MTHFD1L: variants seen among roughly 807,000 people sequenced by gnomAD.
MTHFD1L encodes the protein monofunctional C1-tetrahydrofolate synthase, mitochondrial.
MTHFD1L carries 81 observed loss-of-function variants against 119.5 expected under a neutral mutation model. That is an observed-to-expected ratio of 0.68 (90% confidence interval 0.57 to 0.82). MTHFD1L has a LOEUF of 0.82. MTHFD1L is among the 40% of genes least tolerant of loss of function. The pLI, the probability that MTHFD1L is intolerant of heterozygous loss-of-function variation, is 0.00. For missense variants in MTHFD1L, 1,125 were observed against 1,253.4 expected (o/e 0.90, Z 1.55); for synonymous variants, 430 against 475.2 (o/e 0.90, Z 1.24).
intron 26 of MTHFD1L, among the ~76,000 whole-genome samples, chr6:151,073,726 T>A (rs1792196366): frequency 6.6e-6 from 1 of 151,620 alleles, no homozygotes. Flanking sequence ...AGATTAGACA[T>A]TGCAAAAGAA....
chr6:150,905,300 G>A (rs1191390077), intron 7 of MTHFD1L, among the ~76,000 whole-genome samples: 2 of 152,016 alleles, frequency 1.3e-5, no homozygotes, highest in East Asian at 1.9e-4. Flanking sequence ...CCTAAGTGCT[G>A]GGATTACAGG....
chr6:150,983,893 C>T (rs1777893548), intron 20 of MTHFD1L, among the ~76,000 whole-genome samples: 1 of 152,166 alleles, frequency 6.6e-6, no homozygotes, highest in Non-Finnish European at 1.5e-5. Context: ...ACCTCTGCCT[C>T]CTGAGTAGCT....
chr6:150,966,135 A>G (rs1562467444), intron 19 of MTHFD1L, among the ~76,000 whole-genome samples: 1 of 152,186 alleles, frequency 6.6e-6, no homozygotes, highest in Non-Finnish European at 1.5e-5. Context: ...AGGAACCTGT[A>G]TTAGTTTGTT....
intron 13 of MTHFD1L, among the ~76,000 whole-genome samples, chr6:150,941,191 G>T (rs186693974): frequency 6.6e-6 from 1 of 152,358 alleles, no homozygotes; most frequent in East Asian, 1.9e-4. Flanking sequence ...CATTCAGCCA[G>T]TGGGAACTGC....
At chr6:151,066,475 G>T (rs1368820212) in intron 26 of MTHFD1L, among the ~76,000 whole-genome samples, 1 of 130,230 alleles carries the variant, frequency 7.7e-6, no homozygotes, top group African/African-American at 2.8e-5. Context: ...CATGGCAAAA[G>T]TGTCCTTTAG....
Position 151,014,982 on chromosome 6 carries a change from T to C in MTHFD1L, c.2408+2T>C, listed in dbSNP as rs1472969459. 1 of 1,613,310 alleles carries C rather than the reference T, an allele frequency of 6.2e-7. No individual in the cohort carries two copies. Reference sequence around the variant, plus strand: ...TGTGGTGGCTCTGAATGTCTTCAAGTAAGTCCAGCCTCCTCCTTTAAATGT... The same window carrying C: ...TGTGGTGGCTCTGAATGTCTTCAAGCAAGTCCAGCCTCCTCCTTTAAATGT... On this transcript the variant is annotated splice_donor_variant, in intron 23 of 27. Coordinates refer to ENST00000367321, the MANE Select transcript of MTHFD1L (RefSeq NM_015440.5). LOFTEE classifies it high-confidence loss of function.
chr6:151,058,964 C>T (rs907856517), intron 26 of MTHFD1L, among the ~76,000 whole-genome samples: 2 of 152,114 alleles, frequency 1.3e-5, no homozygotes, highest in African/African-American at 4.8e-5. Context: ...GCGTGAGCCA[C>T]CGCACCTGGC....
intron 17 of MTHFD1L, among the ~76,000 whole-genome samples, 193 bp from the exon 18 acceptor site, chr6:150,960,082 C>T (rs1164660788): frequency 6.6e-6 from 1 of 152,162 alleles, no homozygotes; most frequent in Non-Finnish European, 1.5e-5. Flanking sequence ...CCTGGGAGGC[C>T]ACCCTAGGGA....
At chr6:150,924,413 T>C (rs994380027) in intron 10 of MTHFD1L, among the ~76,000 whole-genome samples, 5 of 152,144 alleles carry the variant, frequency 3.3e-5, no homozygotes, top group Non-Finnish European at 5.9e-5. Context: ...CCTCAAGTGA[T>C]CTGCCCTCCT....
rs774905671 is a variant in MTHFD1L, at chr6:150,949,143, G to C, written c.1726+10G>C. The stretch of plus-strand genomic sequence containing the variant: ...ATCACGTGGCAGAGAGGTGGGTGCT[G>C]GGGAGATGCCAGCAGGCTGATGGCC... On this transcript the variant is annotated intron_variant, in intron 16 of 27. Transcript: ENST00000367321. 1 of 1,612,622 alleles carries C rather than the reference G, an allele frequency of 6.2e-7. No homozygotes were observed. The highest frequency in any genetic ancestry group is 8.5e-7 in the Non-Finnish European group (1 of 1,178,920).
At chr6:150,950,818 C>T (rs1056983954) in intron 16 of MTHFD1L, among the ~76,000 whole-genome samples, 4 of 152,080 alleles carry the variant, frequency 2.6e-5, no homozygotes, top group Non-Finnish European at 4.4e-5. Context: ...TACAGGCACA[C>T]ACCACCACAC....
At chr6:151,057,893 C>G (rs1044312024) in intron 26 of MTHFD1L, among the ~76,000 whole-genome samples, 18 of 152,164 alleles carry the variant, frequency 1.2e-4, no homozygotes, top group African/African-American at 4.3e-4. Flanking sequence ...ATTTTCCTGC[C>G]TCAGCCTCCC....
chr6:150,937,158 C>T (rs971979503), intron 12 of MTHFD1L, among the ~76,000 whole-genome samples: 1 of 149,946 alleles, frequency 6.7e-6, no homozygotes, highest in African/African-American at 2.5e-5. Flanking sequence ...GCCTCAGGAG[C>T]CTGTTCCTGG....
In MTHFD1L at chr6:150,964,415, G is replaced by A. The variant is rs74444553; in HGVS notation, c.1945-554G>A. 1.4e-4 allele frequency among the ~76,000 whole-genome samples: 21 copies of A among 152,292 alleles called. No homozygotes were observed. In the East Asian group the frequency reaches 2.7e-3, roughly 20 times the overall value. On this transcript the variant is annotated intron_variant, in intron 18 of 27. Coordinates refer to ENST00000367321, the MANE Select transcript of MTHFD1L (RefSeq NM_015440.5). ...GCTTGACTGTAGGAAGAGAGATAGC[G>A]TGAAGCCTTTCACATCTAAACTAGA...
chr6:150,922,432 T>C (rs1057469483), intron 10 of MTHFD1L, 130 bp downstream of exon 10: 1 of 551,984 alleles, frequency 1.8e-6, no homozygotes. Context: ...ATTCATTAAA[T>C]TGCCACCCTA....
chr6:151,045,513 G>A (rs1366027297), intron 26 of MTHFD1L, among the ~76,000 whole-genome samples: 1 of 152,162 alleles, frequency 6.6e-6, no homozygotes, highest in African/African-American at 2.4e-5. Context: ...TCTCTCCAAT[G>A]CTCCTGGGTC....
chr6:150,890,815 A>C (rs1341536939), intron 7 of MTHFD1L, among the ~76,000 whole-genome samples: 2 of 152,218 alleles, frequency 1.3e-5, no homozygotes, highest in Admixed American at 6.5e-5. Flanking sequence ...AACCAAGTGC[A>C]CTGCAACAAG....
At chr6:150,910,547 C>T (rs1786706611) in intron 8 of MTHFD1L, among the ~76,000 whole-genome samples, 1 of 147,968 alleles carries the variant, frequency 6.8e-6, no homozygotes, top group Non-Finnish European at 1.5e-5. Context: ...AAGAGCGAAA[C>T]TCCATCTCAA....
intron 6 of MTHFD1L, among the ~76,000 whole-genome samples, chr6:150,886,192 C>T (rs757229173): frequency 2.0e-5 from 3 of 152,008 alleles, no homozygotes; most frequent in Non-Finnish European, 1.5e-5. Context: ...CAGTGCTAGG[C>T]GAGGCCAAGG....
Sources: allele counts gnomAD v4.1 joint callset (sites outside exome capture counted in the v4.1 genomes callset), GRCh38; gene constraint gnomAD v4.1.1; transcripts MANE v1.5; gene names NCBI Gene and HGNC (gene_info 2026-07-23, HGNC 2026-07-21).